Variants in SRRM4 observed in about 807,000 individuals in gnomAD.
SRRM4 encodes the protein serine/arginine repetitive matrix 4, also known as serine/arginine repetitive matrix protein 4.
A neutral mutation model predicts 68.9 loss-of-function variants in SRRM4; 33 were observed. The ratio of observed to expected loss-of-function variants is 0.48; its 90% CI spans 0.36 to 0.64. The LOEUF (loss-of-function observed/expected upper bound fraction) is 0.64. SRRM4 is among the 30% of genes least tolerant of loss of function. SRRM4 has a pLI of 0.00. For synonymous variants in SRRM4, 318 were observed against 318.8 expected (o/e 1.00, Z 0.03); for missense variants, 817 against 827.1 (o/e 0.99, Z 0.15).
At chr12:118,990,882 C>T (rs892831171) in intron 1 of SRRM4, among the ~76,000 whole-genome samples, 6 of 152,194 alleles carry the variant, frequency 3.9e-5, no homozygotes, top group African/African-American at 1.4e-4. Flanking sequence ...TGCAGTGGTG[C>T]GAACTCAGCT....
Position 119,145,421 on chromosome 12 carries a change from C to A in SRRM4, c.812C>A (p.Thr271Lys), listed in dbSNP as rs1954394953. 4 of 1,606,576 alleles carry A rather than the reference C, an allele frequency of 2.5e-6. No homozygotes were observed. Among genetic ancestry groups the A allele is most frequent in the Non-Finnish European group, 2.6e-6 (3 of 1,176,450 alleles). ...SGSAADLFTK[T>K]ASPLTTSRGR... is the part of the protein sequence containing the mutation. ...TCTGCTGCTGACCTCTTTACCAAAA[C>A]AGCCAGCCCGCTCACCACCTCGCGA... Residue 271 changes from threonine to lysine, a missense_variant, in exon 9 of 13, where the codon ACA becomes AAA. Physicochemically the swap from Thr to Lys is moderately conservative, Grantham distance 78 (BLOSUM62 -1). Coordinates refer to ENST00000267260, the MANE Select transcript of SRRM4 (RefSeq NM_194286.4).
At chr12:119,107,364 C>T (rs1409507088) in intron 2 of SRRM4, among the ~76,000 whole-genome samples, 1 of 152,076 alleles carries the variant, frequency 6.6e-6, no homozygotes, top group Non-Finnish European at 1.5e-5. Context: ...CCCTCTTTTT[C>T]TATTGATTGG....
At chr12:119,062,523 A>C (rs1054416397) in intron 1 of SRRM4, among the ~76,000 whole-genome samples, 1 of 152,226 alleles carries the variant, frequency 6.6e-6, no homozygotes, top group African/African-American at 2.4e-5. Context: ...AGCTGTACAA[A>C]AAAAAATCTT....
intron 1 of SRRM4, among the ~76,000 whole-genome samples, chr12:119,013,702 TTG>T: frequency 6.6e-6 from 1 of 152,332 alleles, no homozygotes; most frequent in Middle Eastern, 3.4e-3. Context: ...TTATATTTGA[TTG>T]TATAGATGTA....
chr12:119,005,909 G>T (rs184947407), intron 1 of SRRM4, among the ~76,000 whole-genome samples: 1 of 152,150 alleles, frequency 6.6e-6, no homozygotes, highest in Non-Finnish European at 1.5e-5. Context: ...CAAACAAGCC[G>T]TGTGACCTTG....
intron 1 of SRRM4, among the ~76,000 whole-genome samples, chr12:119,024,555 C>T (rs189687140): frequency 1.3e-5 from 2 of 152,326 alleles, no homozygotes; most frequent in East Asian, 1.9e-4. Flanking sequence ...TTCTACTCAG[C>T]GTATCTCCTG....
At chr12:119,036,035 T>G (rs531280046) in intron 1 of SRRM4, among the ~76,000 whole-genome samples, 2 of 151,864 alleles carry the variant, frequency 1.3e-5, no homozygotes, top group East Asian at 3.9e-4. Context: ...TCCTTTTCCT[T>G]TTCAAAGAGT....
At chr12:118,985,425 T>A (rs1027309990) in intron 1 of SRRM4, among the ~76,000 whole-genome samples, 3 of 152,314 alleles carry the variant, frequency 2.0e-5, no homozygotes, top group Admixed American at 2.0e-4. Context: ...ACAATTTTAA[T>A]CCCACGGTTT....
At chr12:119,056,118 C>T (rs1953774579) in intron 1 of SRRM4, among the ~76,000 whole-genome samples, 2 of 152,186 alleles carry the variant, frequency 1.3e-5, no homozygotes, top group African/African-American at 4.8e-5. Flanking sequence ...CCCTCTCAGC[C>T]TCCCTCCCAC....
Position 119,116,953 on chromosome 12 carries a change from C to A in SRRM4, c.382C>A (p.Pro128Thr). The stretch of plus-strand genomic sequence containing the variant: ...CCCTGGCAGGTCCTCATCCTATAGC[C>A]CATCGCCTGTCAAGAAAAAGAAGAA... The part of the protein sequence containing the change: ...KKRRRSSSYS[P>T]SPVKKKKKKS... Residue 128 changes from proline to threonine, a missense_variant, in exon 4 of 13, where the codon CCA becomes ACA. By Grantham distance (38) the Pro-to-Thr change is conservative (BLOSUM62 -1). Coordinates refer to ENST00000267260, the MANE Select transcript of SRRM4 (RefSeq NM_194286.4). 1 of 1,613,710 alleles carries A rather than the reference C, an allele frequency of 6.2e-7. No homozygotes were observed. The highest frequency in any genetic ancestry group is 8.5e-7 in the Non-Finnish European group (1 of 1,179,792).
chr12:119,107,809 T>A (rs918806526), intron 2 of SRRM4, among the ~76,000 whole-genome samples: 17 of 152,204 alleles, frequency 1.1e-4, no homozygotes, highest in African/African-American at 4.1e-4. Flanking sequence ...TTTTTGTGTA[T>A]CTCCTTCAGT....
intron 8 of SRRM4, among the ~76,000 whole-genome samples, chr12:119,133,515 C>T (rs535746428): frequency 3.3e-5 from 5 of 152,324 alleles, no homozygotes; most frequent in African/African-American, 1.2e-4. Context: ...CTCTGCCCCA[C>T]TTAAGGTTGC....
At chr12:118,988,636 T>A (rs1565884130) in intron 1 of SRRM4, among the ~76,000 whole-genome samples, 2 of 151,470 alleles carry the variant, frequency 1.3e-5, no homozygotes, top group African/African-American at 4.9e-5. Flanking sequence ...GCACGTTGGC[T>A]AAAAAAAAAT....
At chr12:119,019,225 T>A (rs965675391) in intron 1 of SRRM4, among the ~76,000 whole-genome samples, 3 of 152,192 alleles carry the variant, frequency 2.0e-5, no homozygotes, top group Non-Finnish European at 4.4e-5. Flanking sequence ...GGCCAGCTAC[T>A]TAAATATTTA....
chr12:119,010,859 G>A (rs374807344), intron 1 of SRRM4, among the ~76,000 whole-genome samples: 5 of 152,288 alleles, frequency 3.3e-5, no homozygotes, highest in South Asian at 4.1e-4. Flanking sequence ...TTGAAAAAAT[G>A]CAGTAAATTC....
In SRRM4 at chr12:119,043,775, TACACACAC is replaced by T. The variant is rs58053550; in HGVS notation, c.132-58435_132-58428del. ...ACATACACATGCACACATACACGCA[TACACACAC>T]ACACACACACACACACACACACACA... is the stretch of plus-strand genomic sequence containing the variant. On this transcript the variant is annotated intron_variant, in intron 1 of 12. Transcript: ENST00000267260. Among the ~76,000 whole-genome samples the T allele has an allele frequency of 5.6e-5, 8 of 141,768 alleles. No homozygotes were observed. The East Asian group carries it at 6.4e-4, about 11-fold the overall frequency. 93.0% of individuals were successfully genotyped at this position (141,768 alleles called of 152,430 possible). A position where few individuals can be genotyped will look rare whatever the true frequency, so the allele number is the denominator to read the frequency against.
chr12:119,088,698 C>T (rs1000334405), intron 1 of SRRM4, among the ~76,000 whole-genome samples: 15 of 150,066 alleles, frequency 1.0e-4, no homozygotes, highest in African/African-American at 3.4e-4. Flanking sequence ...AAGTGGGGGG[C>T]CACAAAAGGA....
chr12:119,008,076 C>T (rs1953426553), intron 1 of SRRM4, among the ~76,000 whole-genome samples: 1 of 152,150 alleles, frequency 6.6e-6, no homozygotes, highest in Admixed American at 6.5e-5. Context: ...GGCTAATACC[C>T]TTCCATTGCT....
At chr12:119,004,543 AT>A (rs141265926) in intron 1 of SRRM4, among the ~76,000 whole-genome samples, 5 of 152,046 alleles carry the variant, frequency 3.3e-5, no homozygotes, top group Middle Eastern at 3.4e-3. Flanking sequence ...GGATTCCTCC[AT>A]TTTCCATCCT....
Sources: allele counts gnomAD v4.1 joint callset (sites outside exome capture counted in the v4.1 genomes callset), GRCh38; gene constraint gnomAD v4.1.1; transcripts MANE v1.5; gene names NCBI Gene and HGNC (gene_info 2026-07-23, HGNC 2026-07-21).